ERP27: variants seen among roughly 807,000 people sequenced by gnomAD.
ERP27 encodes the protein endoplasmic reticulum protein 27, also known as endoplasmic reticulum resident protein 27.
A neutral mutation model predicts 27.7 loss-of-function variants in ERP27; 23 were observed. That is an observed-to-expected ratio of 0.83 (90% CI 0.60 to 1.18). The LOEUF (loss-of-function observed/expected upper bound fraction) is 1.18, where lower values mean the gene tolerates loss of function less well. Ranked by LOEUF, ERP27 falls within the 50% of genes most tolerant of loss-of-function variation. ERP27 has a pLI of 0.00. For synonymous variants in ERP27, 159 were observed against 118.3 expected (o/e 1.34, Z -2.23); for missense variants, 363 against 327.9 (o/e 1.11, Z -0.83).
intron 3 of ERP27, among the ~76,000 whole-genome samples, chr12:14,921,297 C>T (rs1367437706): frequency 6.6e-6 from 1 of 152,174 alleles, no homozygotes; most frequent in Non-Finnish European, 1.5e-5. Context: ...TATGGAAGAG[C>T]AGAAAAGCTT....
chr12:14,936,190 A>T (rs1425420058), intron 2 of ERP27, among the ~76,000 whole-genome samples: 1 of 152,230 alleles, frequency 6.6e-6, no homozygotes. Flanking sequence ...AAAGGGCCAA[A>T]AAAGAAAAAA....
At chr12:14,935,361 C>T (rs760672842) in intron 2 of ERP27, among the ~76,000 whole-genome samples, 14 of 152,232 alleles carry the variant, frequency 9.2e-5, no homozygotes, top group Non-Finnish European at 1.3e-4. Flanking sequence ...ATTTGTTTAA[C>T]GGTGAAATAG....
intron 3 of ERP27, among the ~76,000 whole-genome samples, chr12:14,922,091 C>T (rs982122357): frequency 6.6e-6 from 1 of 152,158 alleles, no homozygotes; most frequent in African/African-American, 2.4e-5. Flanking sequence ...GTCATTAAGA[C>T]AATGCCATAA....
chr12:14,923,533 A>G (rs1405318314), intron 3 of ERP27, among the ~76,000 whole-genome samples: 1 of 151,176 alleles, frequency 6.6e-6, no homozygotes, highest in Non-Finnish European at 1.5e-5. Context: ...CTATCTATCT[A>G]TCTATATTAC....
chr12:14,922,181 G>T (rs1239919914), intron 3 of ERP27, among the ~76,000 whole-genome samples: 1 of 152,106 alleles, frequency 6.6e-6, no homozygotes, highest in Non-Finnish European at 1.5e-5. Flanking sequence ...TTTGATTATA[G>T]GATATGTATA....
Position 14,917,322 on chromosome 12 carries a change from T to C in ERP27, c.451-19A>G. 1 of 1,614,048 alleles carries C rather than the reference T, an allele frequency of 6.2e-7. No individual in the cohort carries two copies. Among genetic ancestry groups the C allele is most frequent in the Non-Finnish European group, 8.5e-7 (1 of 1,179,962 alleles). On this transcript the variant is annotated intron_variant, in intron 4 of 6. Transcript: ENST00000266397. ...TCACAGTCTGGCAAGTCGAAATGTG[T>C]TACAGTAGAGTGAAAGCGAGAAAGA...
At chr12:14,931,001 TA>T (rs1490868174) in intron 3 of ERP27, among the ~76,000 whole-genome samples, 2 of 152,146 alleles carry the variant, frequency 1.3e-5, no homozygotes, top group Non-Finnish European at 2.9e-5. Flanking sequence ...GAATTCAGTG[TA>T]AAAACAAAGT....
At chr12:14,919,366 G>A (rs1043200654) in intron 4 of ERP27, among the ~76,000 whole-genome samples, 1 of 152,138 alleles carries the variant, frequency 6.6e-6, no homozygotes, top group Non-Finnish European at 1.5e-5. Flanking sequence ...TAAGAAACCA[G>A]GAAGGTTAGT....
chr12:14,933,846 C>G (rs1217720347), intron 3 of ERP27, among the ~76,000 whole-genome samples: 1 of 152,156 alleles, frequency 6.6e-6, no homozygotes, highest in Non-Finnish European at 1.5e-5. Flanking sequence ...GTTGCTACCT[C>G]TCTACTACAG....
intron 3 of ERP27, among the ~76,000 whole-genome samples, chr12:14,925,342 T>C (rs1863584305): frequency 6.6e-6 from 1 of 152,198 alleles, no homozygotes; most frequent in South Asian, 2.1e-4. Context: ...TAAGGGTCAT[T>C]CCATGTTTTT....
At chr12:14,915,894 T>C in intron 5 of ERP27, 3 of 535,356 alleles carry the variant, frequency 5.6e-6, no homozygotes, top group South Asian at 5.5e-5. Context: ...TGGAGGCTAT[T>C]ATCCTTAGCA....
intron 2 of ERP27, among the ~76,000 whole-genome samples, chr12:14,935,518 A>T (rs1431056518): frequency 6.6e-6 from 1 of 152,226 alleles, no homozygotes; most frequent in Non-Finnish European, 1.5e-5. Context: ...CTGGGATTAA[A>T]GGAAAAGTAT....
In ERP27 at chr12:14,934,826, G is replaced by A. The variant is rs375648417; in HGVS notation, c.333+30C>T. On this transcript the variant is annotated intron_variant, in intron 3 of 6. Coordinates refer to ENST00000266397, the MANE Select transcript of ERP27 (RefSeq NM_152321.4). ...AGTCCACAACCCAGTGAAAATCTGG[G>A]AGAAAGCTCAAGCTACCCACCCAAC... 5 of 1,613,086 alleles carry A rather than the reference G, an allele frequency of 3.1e-6. No homozygotes were observed. The African/African-American group carries it at 5.3e-5, about 17-fold the overall frequency.
intron 1 of ERP27, 84 bp downstream of exon 1, chr12:14,938,331 A>C: frequency 7.2e-7 from 1 of 1,394,196 alleles, no homozygotes; most frequent in Non-Finnish European, 1.0e-6. Context: ...GTGGAGGAAA[A>C]GTACCCAGAG....
chr12:14,936,986 C>T (rs959080571), intron 2 of ERP27, among the ~76,000 whole-genome samples: 2 of 152,128 alleles, frequency 1.3e-5, no homozygotes, highest in Non-Finnish European at 2.9e-5. Context: ...TTAATTGAGG[C>T]CTCCTCTCTT....
At position 14,915,525 on chromosome 12, in the gene ERP27, T is replaced by C. The variant is rs779883016; in HGVS notation, c.738A>G (p.Gln246=). The stretch of plus-strand genomic sequence containing the variant: ...CACTTAGGAATCCATCACAAAAGTT[T>C]TGCACATGCTCTACGGAAACTTCTG... ...PTAEVSVEHV[Q]NFCDGFLSGK... The change falls in exon 6 of 7, where the codon CAA becomes CAG. Residue 246 remains glutamine, a synonymous_variant. Transcript: ENST00000266397. 2 of 1,614,220 alleles carry C rather than the reference T, an allele frequency of 1.2e-6. No homozygotes were observed. Among genetic ancestry groups the C allele is most frequent in the South Asian group, 1.1e-5 (1 of 91,080 alleles).
intron 4 of ERP27, among the ~76,000 whole-genome samples, chr12:14,918,149 T>C (rs1863443265): frequency 6.6e-6 from 1 of 152,170 alleles, no homozygotes; most frequent in Admixed American, 6.6e-5. Flanking sequence ...GTTTTTCAAA[T>C]GAGGAAATTG....
At chr12:14,936,129 A>G (rs775087237) in intron 2 of ERP27, among the ~76,000 whole-genome samples, 7 of 152,138 alleles carry the variant, frequency 4.6e-5, no homozygotes, top group Non-Finnish European at 1.0e-4. Context: ...GGCTTTGGTT[A>G]CATTTGTGGA....
Position 14,915,691 on chromosome 12 carries a change from AG to A in ERP27, c.577-6del. ...GTCCACCAGAATAAAGAGAATCTGC[AG>A]TTGGGGAAGTTTGAAAGAAAAAGTT... On this transcript the variant is annotated splice_polypyrimidine_tract_variant and splice_region_variant and intron_variant, in intron 5 of 6. Transcript: ENST00000266397. 1 of 1,610,072 alleles carries A rather than the reference AG, an allele frequency of 6.2e-7. No homozygotes were observed. The highest frequency in any genetic ancestry group is 1.1e-5 in the South Asian group (1 of 90,840).
Sources: allele counts gnomAD v4.1 joint callset (sites outside exome capture counted in the v4.1 genomes callset), GRCh38; gene constraint gnomAD v4.1.1; transcripts MANE v1.5; gene names NCBI Gene and HGNC (gene_info 2026-07-23, HGNC 2026-07-21).